The following CNTN4 variants were observed in gnomAD, a reference collection of about 807,000 sequenced individuals.
The protein encoded by CNTN4 is contactin-4.
A neutral mutation model predicts 122.5 loss-of-function variants in CNTN4; 77 were observed. That is an observed-to-expected ratio of 0.63 (90% CI 0.52 to 0.76). The LOEUF is 0.76. Among genes scored for constraint, CNTN4 ranks in the 30% least tolerant of loss-of-function variants. The probability of loss-of-function intolerance (pLI) is 0.00; values close to 1 mark genes in which losing one functional copy is unlikely to be tolerated. For missense variants in CNTN4, 1,256 were observed against 1,259.1 expected, an observed-to-expected ratio of 1.00 and a Z score of 0.04; for synonymous variants, 512 against 447.0, an observed-to-expected ratio of 1.15 and a Z score of -1.83.
chr3:2,777,105 C>T (rs1335548230), intron 6 of CNTN4, among the ~76,000 whole-genome samples: 2 of 152,112 alleles, frequency 1.3e-5, no homozygotes, highest in African/African-American at 4.8e-5. Context: ...CTTAGCCTCC[C>T]AAGCAGCAGG....
intron 2 of CNTN4, among the ~76,000 whole-genome samples, chr3:2,135,826 G>C (rs1048881693): frequency 2.0e-5 from 3 of 152,206 alleles, no homozygotes; most frequent in Non-Finnish European, 4.4e-5. Context: ...GGTCTACAGC[G>C]AATTGGAGAG....
At position 3,021,580 on chromosome 3, in the gene CNTN4, A is replaced by G. The variant is rs1021978528; in HGVS notation, c.1487-4522A>G. Among the ~76,000 whole-genome samples the G allele has an allele frequency of 3.3e-5, 5 of 152,194 alleles. 1 individual carries two copies. Among genetic ancestry groups the G allele is most frequent in the African/African-American group, 1.2e-4 (5 of 41,460 alleles). On this transcript the variant is annotated intron_variant, in intron 14 of 24. Coordinates refer to ENST00000418658, the MANE Select transcript of CNTN4 (RefSeq NM_175607.3). The stretch of plus-strand genomic sequence containing the variant: ...ACCATTAGAGTCAAGAAATTTGTTA[A>G]CAAAAGGGATGTGTCTCCTTCCACA...
intron 4 of CNTN4, among the ~76,000 whole-genome samples, chr3:2,707,443 A>G (rs1005040074): frequency 7.2e-5 from 11 of 152,188 alleles, no homozygotes; most frequent in Non-Finnish European, 1.2e-4. Flanking sequence ...TTAATTCCAA[A>G]GGGGTAGTAC....
At chr3:2,559,343 C>G (rs1352938018) in intron 3 of CNTN4, among the ~76,000 whole-genome samples, 4 of 152,102 alleles carry the variant, frequency 2.6e-5, no homozygotes. Context: ...TCAGTACTAT[C>G]AGCCCTGACA....
chr3:2,311,707 G>C (rs955551837), intron 2 of CNTN4, among the ~76,000 whole-genome samples: 4 of 151,994 alleles, frequency 2.6e-5, no homozygotes, highest in African/African-American at 9.7e-5. Flanking sequence ...TGTCTGTATA[G>C]GTAGCTCATT....
At chr3:2,235,744 C>G (rs900970122) in intron 2 of CNTN4, among the ~76,000 whole-genome samples, 1 of 151,970 alleles carries the variant, frequency 6.6e-6, no homozygotes, top group African/African-American at 2.4e-5. Context: ...TATGCTTATT[C>G]TTGGGCTAAT....
intron 6 of CNTN4, among the ~76,000 whole-genome samples, chr3:2,776,968 TTTTTG>T (rs138093272): frequency 6.6e-5 from 10 of 151,882 alleles, no homozygotes; most frequent in Admixed American, 1.3e-4. Context: ...ACCATGCATC[TTTTTG>T]TTTTGTTTTG....
chr3:2,996,114 A>T (rs116687233), intron 14 of CNTN4, among the ~76,000 whole-genome samples: 1,554 of 152,232 alleles, frequency 0.01, 43 homozygotes, highest in Admixed American at 0.053. Flanking sequence ...TGGAGGGAGG[A>T]TGCCTGGAGT....
intron 2 of CNTN4, among the ~76,000 whole-genome samples, chr3:2,244,605 T>C (rs965516178): frequency 1.3e-5 from 2 of 152,128 alleles, no homozygotes; most frequent in Non-Finnish European, 2.9e-5. Context: ...TTTATCCCTA[T>C]CTCTTTACTT....
rs187417349 is a variant in CNTN4 at position 2,967,981 on chromosome 3, A to G, written c.1359-20364A>G. On this transcript the variant is annotated intron_variant, in intron 13 of 24. Transcript: ENST00000418658. ...GGGGTGGGTCATCTGTCTATGAACC[A>G]TGACCATTTTCAGTTGAAAGTTAGG... Among the ~76,000 whole-genome samples the G allele has an allele frequency of 5.5e-4, 84 of 152,114 alleles. No individual in the cohort carries two copies. In the East Asian group the frequency reaches 0.012, roughly 22 times the overall value.
intron 6 of CNTN4, among the ~76,000 whole-genome samples, chr3:2,805,896 T>C (rs1331898298): frequency 6.6e-6 from 1 of 151,904 alleles, no homozygotes; most frequent in East Asian, 1.9e-4. Flanking sequence ...TTTTGTTTTG[T>C]TTTGTTTTTG....
intron 2 of CNTN4, among the ~76,000 whole-genome samples, chr3:2,148,330 T>C (rs994255462): frequency 2.0e-5 from 3 of 151,848 alleles, no homozygotes; most frequent in Non-Finnish European, 4.4e-5. Context: ...GCCCAGGAGT[T>C]TGAGAGTAGC....
chr3:2,286,225 A>G (rs1406731876), intron 2 of CNTN4, among the ~76,000 whole-genome samples: 1 of 62,764 alleles, frequency 1.6e-5, no homozygotes, highest in Non-Finnish European at 2.8e-5. Flanking sequence ...GTGTGTGTGC[A>G]TACACCCCCT....
intron 4 of CNTN4, among the ~76,000 whole-genome samples, chr3:2,669,837 C>T (rs1398295571): frequency 2.0e-5 from 3 of 152,172 alleles, no homozygotes; most frequent in Non-Finnish European, 4.4e-5. Context: ...TTTCTGCCTT[C>T]ATTTCGTTAT....
intron 2 of CNTN4, among the ~76,000 whole-genome samples, chr3:2,111,674 C>T (rs1436794796): frequency 2.0e-5 from 3 of 152,026 alleles, no homozygotes; most frequent in African/African-American, 7.2e-5. Context: ...TAGTATGTAA[C>T]ATCAGACCAA....
chr3:2,484,156 T>C (rs2076081082), intron 3 of CNTN4, among the ~76,000 whole-genome samples: 1 of 152,166 alleles, frequency 6.6e-6, no homozygotes, highest in African/African-American at 2.4e-5. Context: ...CATTAACAGA[T>C]ATTTTATTGA....
At chr3:2,692,313 C>T (rs1036066176) in intron 4 of CNTN4, among the ~76,000 whole-genome samples, 5 of 152,174 alleles carry the variant, frequency 3.3e-5, no homozygotes, top group Non-Finnish European at 7.4e-5. Flanking sequence ...CTACAGTGCC[C>T]GGTGCTTTAC....
At chr3:2,836,251 A>G (rs1477023512) in intron 7 of CNTN4, among the ~76,000 whole-genome samples, 2 of 152,194 alleles carry the variant, frequency 1.3e-5, no homozygotes, top group African/African-American at 4.8e-5. Flanking sequence ...TGGTCTATAC[A>G]TTTTATAAAG....
intron 3 of CNTN4, among the ~76,000 whole-genome samples, chr3:2,388,469 C>G (rs777240299): frequency 6.6e-6 from 1 of 152,184 alleles, no homozygotes; most frequent in South Asian, 2.1e-4. Context: ...CGAGGATAAG[C>G]TAAATTATTT....
Sources: gnomAD v4.1 joint callset for allele counts (sites outside exome capture counted in the v4.1 genomes callset) on GRCh38, gnomAD v4.1.1 for gene constraint, MANE v1.5 for transcripts, NCBI Gene and HGNC (gene_info 2026-07-23, HGNC 2026-07-21) for gene names.